The following DMD variants were observed in gnomAD, a reference collection of about 807,000 sequenced individuals.
DMD encodes the protein mutant dystrophin.
A neutral mutation model predicts 330.1 loss-of-function variants in DMD; 63 were observed. The ratio of observed to expected loss-of-function variants is 0.19; its 90% CI spans 0.16 to 0.24. DMD has a LOEUF of 0.24. Ranked by LOEUF, DMD falls within the 10% of genes least tolerant of loss-of-function variation. The pLI is 1.00. For missense variants in DMD, 3,344 were observed against 2,684.1 expected, an observed-to-expected ratio of 1.25 and a Z score of -5.43; for synonymous variants, 1,223 against 959.8, an observed-to-expected ratio of 1.27 and a Z score of -5.07.
At chrX:32,823,187 C>A in intron 5 of DMD, 108 bp downstream of exon 5, 1 of 624,960 alleles carries the variant, frequency 1.6e-6, no homozygotes, top group Admixed American at 2.4e-5. Context: ...CACTATGGAG[C>A]AGGGTTTGTT....
chrX:32,443,891 C>T (rs2098292578), intron 27 of DMD, among the ~76,000 whole-genome samples: 1 of 111,343 alleles, frequency 9.0e-6, no homozygotes, highest in Admixed American at 9.6e-5. Context: ...TAACTCCCAA[C>T]ATATCCTGCT....
At chrX:31,758,069 C>T (rs2089275633) in intron 51 of DMD, among the ~76,000 whole-genome samples, 1 of 110,774 alleles carries the variant, frequency 9.0e-6, no homozygotes, top group South Asian at 3.9e-4. Context: ...ATACTGCATG[C>T]TCACCTCAAT....
intron 7 of DMD, among the ~76,000 whole-genome samples, chrX:32,711,654 G>A (rs1006039801): frequency 3.6e-5 from 4 of 111,930 alleles, no homozygotes; most frequent in Middle Eastern, 4.6e-3. Context: ...AAACAGTACA[G>A]ACGCATTTAA....
chrX:33,184,009 T>G (rs536990867), intron 1 of DMD, among the ~76,000 whole-genome samples: 1 of 111,523 alleles, frequency 9.0e-6, no homozygotes, highest in African/African-American at 3.3e-5. Context: ...CACAGATTAC[T>G]GTGTTTTGAT....
intron 2 of DMD, among the ~76,000 whole-genome samples, chrX:33,007,743 C>G (rs935782136): frequency 7.2e-5 from 8 of 111,323 alleles, no homozygotes; most frequent in Non-Finnish European, 1.9e-5. Context: ...ATGTAGACTT[C>G]ATGTGTATTT....
intron 44 of DMD, among the ~76,000 whole-genome samples, chrX:32,207,803 A>G (rs1419912425): frequency 8.9e-6 from 1 of 112,000 alleles, no homozygotes; most frequent in Non-Finnish European, 1.9e-5. Flanking sequence ...TTTTTTAACA[A>G]TTGCATTGTT....
chrX:31,214,937 C>CTTTTTTCTT (rs1556299261), intron 64 of DMD, among the ~76,000 whole-genome samples: 23 of 38,079 alleles, frequency 6.0e-4, no homozygotes, highest in Admixed American at 1.7e-3. Context: ...TTTCTTTTTT[C>CTTTTTTCTT]TTTTTTTTTT....
intron 2 of DMD, among the ~76,000 whole-genome samples, chrX:32,870,650 A>C (rs1335566902): frequency 1.8e-4 from 20 of 110,910 alleles, no homozygotes; most frequent in Non-Finnish European, 3.4e-4. Flanking sequence ...TGTTTGACAA[A>C]CCTGACAAAA....
Position 31,384,309 on chromosome X carries a change from C to CACTACTACT in DMD, c.9085-35684_9085-35676dup, listed in dbSNP as rs79171547. 7.0e-3 allele frequency among the ~76,000 whole-genome samples: 638 copies of CACTACTACT among 91,308 alleles called. 1 individual carries two copies. The highest frequency in any genetic ancestry group is 0.017 in the African/African-American group (449 of 26,183). 79.3% of individuals were successfully genotyped at this position (91,308 alleles called of 115,157 possible). ...AGGGGATCAGGGTAATATCCTGCTT[C>CACTACTACT]ACTACTACTACTACTACTACTACTA... On this transcript the variant is annotated intron_variant, in intron 60 of 78. Transcript: ENST00000357033.
At chrX:32,856,654 A>G (rs1196386605) in intron 2 of DMD, among the ~76,000 whole-genome samples, 1 of 111,965 alleles carries the variant, frequency 8.9e-6, no homozygotes, top group Admixed American at 9.5e-5. Context: ...GATGTTTACC[A>G]GAGTGTAGTA....
At chrX:31,515,661 G>T (rs2072116404) in intron 55 of DMD, among the ~76,000 whole-genome samples, 1 of 112,022 alleles carries the variant, frequency 8.9e-6, no homozygotes, top group African/African-American at 3.2e-5. Context: ...ACCTTACAGA[G>T]AATCAGAAAG....
At chrX:32,648,617 G>C (rs1213222796) in intron 9 of DMD, among the ~76,000 whole-genome samples, 1 of 111,595 alleles carries the variant, frequency 9.0e-6, no homozygotes, top group East Asian at 2.8e-4. Context: ...AAACAAAATT[G>C]GAAATGGCTC....
In DMD at chrX:32,468,656, T is replaced by C. The variant is rs1244241099; in HGVS notation, c.3004A>G (p.Thr1002Ala). 41 of 1,209,526 alleles carry C rather than the reference T, an allele frequency of 3.4e-5. No individual in the cohort carries two copies. The highest frequency in any genetic ancestry group is 4.5e-5 in the Non-Finnish European group (40 of 895,049). The part of the protein sequence containing the change: ...QQSGLYYLST[T>A]VKEMSKKAPS... ...GCTTTCTTCGACATCTCTTTCACAGTGGTGCTGAGATAGTATAGGCCACTT... is the reference window on the plus strand; with the variant it reads ...GCTTTCTTCGACATCTCTTTCACAGCGGTGCTGAGATAGTATAGGCCACTT... The change falls in exon 23 of 79, where the codon ACT becomes GCT. Residue 1002 changes from threonine to alanine, a missense_variant. By Grantham distance (58) the Thr-to-Ala change is moderately conservative. Transcript: ENST00000357033.
At chrX:31,663,834 C>T (rs2081268858) in intron 53 of DMD, among the ~76,000 whole-genome samples, 1 of 111,613 alleles carries the variant, frequency 9.0e-6, no homozygotes, top group Admixed American at 9.5e-5. Context: ...TTCACAGTCA[C>T]ACTCTTTAGA....
intron 7 of DMD, among the ~76,000 whole-genome samples, chrX:32,740,324 T>C (rs2069086294): frequency 1.8e-5 from 2 of 110,256 alleles, no homozygotes; most frequent in Admixed American, 9.9e-5. Flanking sequence ...ATGTAGTGTA[T>C]CCTGATTTAT....
chrX:33,224,742 G>A (rs1328340348), intron 1 of DMD, among the ~76,000 whole-genome samples: 1 of 111,087 alleles, frequency 9.0e-6, no homozygotes, highest in African/African-American at 3.3e-5. Flanking sequence ...ATGTGTTGAC[G>A]TAGGTTCATT....
At chrX:31,203,048 G>A (rs781247091) in intron 67 of DMD, among the ~76,000 whole-genome samples, 1 of 110,605 alleles carries the variant, frequency 9.0e-6, no homozygotes, top group Admixed American at 9.7e-5. Context: ...TTGGGAGTTC[G>A]AGGCAGGTGG....
chrX:32,436,248 C>A (rs2098260780), intron 29 of DMD, among the ~76,000 whole-genome samples: 1 of 111,570 alleles, frequency 9.0e-6, no homozygotes, highest in South Asian at 3.8e-4. Context: ...TTAGAGATCT[C>A]TTTTATTTCC....
At chrX:31,565,536 A>C (rs990411461) in intron 55 of DMD, among the ~76,000 whole-genome samples, 4 of 111,983 alleles carry the variant, frequency 3.6e-5, no homozygotes, top group African/African-American at 1.3e-4. Flanking sequence ...AGTTTGTACA[A>C]CCATTCATTG....
Sources: gnomAD v4.1 joint callset for allele counts (sites outside exome capture counted in the v4.1 genomes callset) on GRCh38, gnomAD v4.1.1 for gene constraint, MANE v1.5 for transcripts, NCBI Gene and HGNC (gene_info 2026-07-23, HGNC 2026-07-21) for gene names.